The following ASIC2 variants were observed in gnomAD, a reference collection of about 807,000 sequenced individuals.
ASIC2 encodes acid sensing ion channel subunit 2, also known as acid-sensing ion channel 2.
ASIC2 carries 25 observed loss-of-function variants against 57.3 expected under a neutral mutation model. The ratio of observed to expected loss-of-function variants is 0.44; its 90% confidence interval spans 0.32 to 0.61. The LOEUF (loss-of-function observed/expected upper bound fraction) is 0.61, where lower values mean the gene tolerates loss of function less well. ASIC2 is among the 20% of genes least tolerant of loss of function. ASIC2 has a pLI of 0.06. For missense variants in ASIC2, 641 were observed against 738.1 expected (o/e 0.87, Z 1.52); for synonymous variants, 319 against 307.5 (o/e 1.04, Z -0.39).
chr17:33,128,172 C>T (rs1002684228), intron 1 of ASIC2, among the ~76,000 whole-genome samples: 3 of 152,220 alleles, frequency 2.0e-5, no homozygotes, highest in Admixed American at 6.5e-5. Context: ...CTGACATGCC[C>T]TCCTGGGGCT....
intron 1 of ASIC2, among the ~76,000 whole-genome samples, chr17:34,090,751 G>T (rs1177919317): frequency 6.6e-6 from 1 of 152,152 alleles, no homozygotes; most frequent in Non-Finnish European, 1.5e-5. Flanking sequence ...CCCATTCTGG[G>T]CTGGGACCCC....
At chr17:33,712,397 G>A (rs1286943326) in intron 1 of ASIC2, among the ~76,000 whole-genome samples, 1 of 152,142 alleles carries the variant, frequency 6.6e-6, no homozygotes, top group East Asian at 1.9e-4. Flanking sequence ...TTGACCTACT[G>A]TTTGCATCTG....
rs112100465 is a variant in ASIC2, at chr17:33,092,996, C to A, written c.860-4006G>T. On this transcript the variant is annotated intron_variant, in intron 2 of 9. Coordinates refer to ENST00000225823, the MANE Select transcript of ASIC2 (RefSeq NM_183377.2). ...GGAGGACACTGGTAAACACCAGCAC[C>A]GCATAATTCAGGAGGGCTCACCTGC... Among the ~76,000 whole-genome samples the A allele has an allele frequency of 5.1e-4, 78 of 152,196 alleles. 1 individual carries two copies. The highest frequency in any genetic ancestry group is 1.7e-3 in the African/African-American group (72 of 41,540).
At chr17:34,151,285 G>A (rs979998764) in intron 1 of ASIC2, among the ~76,000 whole-genome samples, 4 of 152,110 alleles carry the variant, frequency 2.6e-5, no homozygotes, top group Non-Finnish European at 5.9e-5. Flanking sequence ...GGTTTAATGA[G>A]ACTGCATTCT....
At chr17:33,233,075 G>C (rs1303768546) in intron 1 of ASIC2, among the ~76,000 whole-genome samples, 1 of 152,060 alleles carries the variant, frequency 6.6e-6, no homozygotes. Flanking sequence ...ACGTGCCCTG[G>C]AGACCACGTG....
intron 1 of ASIC2, among the ~76,000 whole-genome samples, chr17:33,801,645 C>T (rs536599537): frequency 3.2e-4 from 48 of 152,252 alleles, no homozygotes; most frequent in African/African-American, 1.1e-3. Flanking sequence ...ACATTCGAGA[C>T]GCTTAGCATA....
intron 1 of ASIC2, among the ~76,000 whole-genome samples, chr17:33,173,922 G>A (rs1394650724): frequency 1.3e-5 from 2 of 152,168 alleles, no homozygotes; most frequent in Non-Finnish European, 2.9e-5. Context: ...GCAATCAGAT[G>A]AGAGTAGCCT....
At chr17:33,657,312 G>A (rs529349715) in intron 1 of ASIC2, among the ~76,000 whole-genome samples, 40 of 152,170 alleles carry the variant, frequency 2.6e-4, no homozygotes, top group Non-Finnish European at 5.0e-4. Context: ...CTGGCTGGCT[G>A]GCAAGCAAAC....
At chr17:33,331,821 G>A (rs1242281250) in intron 1 of ASIC2, among the ~76,000 whole-genome samples, 1 of 152,170 alleles carries the variant, frequency 6.6e-6, no homozygotes, top group African/African-American at 2.4e-5. Flanking sequence ...GGAAAGGTAG[G>A]CAACTGCCCG....
intron 1 of ASIC2, among the ~76,000 whole-genome samples, chr17:33,924,399 C>T (rs1244410721): frequency 2.0e-5 from 3 of 152,186 alleles, no homozygotes; most frequent in East Asian, 3.9e-4. Flanking sequence ...ACATGGAGTC[C>T]GCCAGGTGTG....
intron 1 of ASIC2, among the ~76,000 whole-genome samples, chr17:33,425,369 G>A (rs552908881): frequency 5.4e-4 from 83 of 152,344 alleles, no homozygotes; most frequent in Admixed American, 5.4e-3. Flanking sequence ...TCTTTCTATC[G>A]TGGCATATAG....
chr17:34,037,757 T>G, intron 1 of ASIC2: 1 of 1,614,184 alleles, frequency 6.2e-7, no homozygotes, highest in Non-Finnish European at 8.5e-7. Flanking sequence ...ATCAATGCGG[T>G]CCTCCTTTCG....
intron 1 of ASIC2, among the ~76,000 whole-genome samples, chr17:33,894,948 A>G (rs1915056345): frequency 1.3e-5 from 2 of 152,118 alleles, no homozygotes; most frequent in African/African-American, 4.8e-5. Context: ...GAATGCATGA[A>G]CTACTCTGAT....
At chr17:33,686,712 C>T (rs1023016842) in intron 1 of ASIC2, among the ~76,000 whole-genome samples, 3 of 152,188 alleles carry the variant, frequency 2.0e-5, no homozygotes, top group African/African-American at 7.2e-5. Context: ...CTGGAATTGG[C>T]CTTGTCCTGC....
intron 1 of ASIC2, among the ~76,000 whole-genome samples, chr17:34,064,890 C>T (rs977945138): frequency 1.3e-5 from 2 of 152,046 alleles, no homozygotes; most frequent in African/African-American, 2.4e-5. Flanking sequence ...TAGATGTTAG[C>T]GTGGATGCAG....
intron 1 of ASIC2, among the ~76,000 whole-genome samples, chr17:33,745,539 A>G (rs1405353432): frequency 6.6e-6 from 1 of 151,978 alleles, no homozygotes; most frequent in Non-Finnish European, 1.5e-5. Context: ...TCTTAAAAGC[A>G]GAAAGAGAAA....
Position 33,688,590 on chromosome 17 carries a change from T to C in ASIC2, c.555+467388A>G, listed in dbSNP as rs574431564. 5.9e-5 allele frequency among the ~76,000 whole-genome samples: 9 copies of C among 152,364 alleles called. No individual in the cohort carries two copies. The South Asian group carries it at 1.2e-3, about 21-fold the overall frequency. On this transcript the variant is annotated intron_variant, in intron 1 of 9. Transcript: ENST00000359872. ...AGGGAACAAAGCGACTGTTGTATTA[T>C]GTAAAATTACTTACCTGATAATAAA...
At position 33,125,557 on chromosome 17, in the gene ASIC2, G is replaced by A. The variant is rs146760926; in HGVS notation, c.709-13490C>T. 3.5e-4 allele frequency among the ~76,000 whole-genome samples: 53 copies of A among 152,270 alleles called. 1 individual carries two copies. The Middle Eastern group carries it at 0.01, about 29-fold the overall frequency. On this transcript the variant is annotated intron_variant, in intron 1 of 9. Coordinates refer to ENST00000225823, the MANE Select transcript of ASIC2 (RefSeq NM_183377.2). ...GAGCAACTATTACATGTCAAACACCGTGCTAGGTCCTGGGAATACAAAGAT... is the reference window on the plus strand; with the variant it reads ...GAGCAACTATTACATGTCAAACACCATGCTAGGTCCTGGGAATACAAAGAT...
intron 2 of ASIC2, among the ~76,000 whole-genome samples, chr17:33,097,678 A>G (rs528654958): frequency 1.3e-5 from 2 of 152,346 alleles, no homozygotes; most frequent in South Asian, 4.1e-4. Flanking sequence ...TAAAGTTCCA[A>G]GCTGGACAGG....
Sources: allele counts gnomAD v4.1 joint callset (sites outside exome capture counted in the v4.1 genomes callset), GRCh38; gene constraint gnomAD v4.1.1; transcripts MANE v1.5; gene names NCBI Gene and HGNC (gene_info 2026-07-23, HGNC 2026-07-21).